The following LRRFIP1 variants were observed in gnomAD, a reference collection of about 807,000 sequenced individuals.
LRRFIP1 encodes leucine-rich repeat flightless-interacting protein 1.
In LRRFIP1, 62 loss-of-function variants were observed where a neutral mutation model predicts 104.4. That is an observed-to-expected ratio of 0.59 (90% CI 0.48 to 0.73). The LOEUF (loss-of-function observed/expected upper bound fraction) is 0.73, where lower values mean the gene tolerates loss of function less well. LRRFIP1 is among the 30% of genes least tolerant of loss of function. LRRFIP1 has a pLI of 0.00. For synonymous variants in LRRFIP1, 300 were observed against 299.0 expected (o/e 1.00, Z -0.03); for missense variants, 796 against 824.5 (o/e 0.97, Z 0.42).
At chr2:237,669,134 C>A (rs2089965318) in intron 1 of LRRFIP1, among the ~76,000 whole-genome samples, 1 of 152,168 alleles carries the variant, frequency 6.6e-6, no homozygotes, top group Non-Finnish European at 1.5e-5. Context: ...GACACTGAGG[C>A]TTTTGTGTTT....
rs1489335747 is a variant in LRRFIP1 at position 237,727,950 on chromosome 2, T to G, written c.444+15T>G. 1 of 1,583,588 alleles carries G rather than the reference T, an allele frequency of 6.3e-7. No homozygotes were observed. The highest frequency in any genetic ancestry group is 8.6e-7 in the Non-Finnish European group (1 of 1,162,890). ...GATCTGGCAGGGTTAGTATAGTAAA[T>G]TTGCATGGCTCAAAATTCAAATAGG... On this transcript the variant is annotated intron_variant, in intron 8 of 23. Coordinates refer to ENST00000308482, the MANE Select transcript of LRRFIP1 (RefSeq NM_001137550.2).
At chr2:237,728,515 G>T (rs1211375378) in intron 8 of LRRFIP1, among the ~76,000 whole-genome samples, 1 of 148,586 alleles carries the variant, frequency 6.7e-6, no homozygotes. Context: ...AGTGGCAGGG[G>T]CATTAGGGAG....
At chr2:237,681,685 T>G (rs1252653314) in intron 1 of LRRFIP1, among the ~76,000 whole-genome samples, 2 of 63,166 alleles carry the variant, frequency 3.2e-5, no homozygotes, top group East Asian at 7.4e-4. Flanking sequence ...ATTCTTTTTT[T>G]TTTTTTTTTT....
At chr2:237,757,586 C>A in intron 17 of LRRFIP1, 38 bp downstream of exon 17, 3 of 1,452,962 alleles carry the variant, frequency 2.1e-6, no homozygotes, top group South Asian at 2.4e-5. Flanking sequence ...CTCAAATGGG[C>A]AGCCTGCTTA....
chr2:237,690,851 TTGTGAGCCTGAGATGC>T (rs2092709471), intron 1 of LRRFIP1, among the ~76,000 whole-genome samples: 1 of 152,192 alleles, frequency 6.6e-6, no homozygotes, highest in Non-Finnish European at 1.5e-5. Context: ...AAAGTTGCTT[TTGTGAGCCTGAGATGC>T]TGTCAATCAA....
At chr2:237,729,292 T>A (rs1367520628) in intron 8 of LRRFIP1, among the ~76,000 whole-genome samples, 1 of 152,120 alleles carries the variant, frequency 6.6e-6, no homozygotes, top group Non-Finnish European at 1.5e-5. Context: ...ATTTGCACTC[T>A]GTGGATAAGG....
At chr2:237,743,106 G>A (rs370186823) in intron 11 of LRRFIP1, among the ~76,000 whole-genome samples, 7 of 152,112 alleles carry the variant, frequency 4.6e-5, no homozygotes, top group Admixed American at 6.5e-5. Context: ...TTGTTGTAGC[G>A]AGAGCTCATG....
chr2:237,765,818 C>T, intron 19 of LRRFIP1: 1 of 966,782 alleles, frequency 1.0e-6, no homozygotes, highest in Non-Finnish European at 1.2e-6. Context: ...ATTACTGTTA[C>T]AAGATAGAAT....
intron 2 of LRRFIP1, among the ~76,000 whole-genome samples, chr2:237,709,876 C>A (rs2093988108): frequency 6.7e-6 from 1 of 148,660 alleles, no homozygotes; most frequent in African/African-American, 2.5e-5. Context: ...TTTTTGAGAT[C>A]AAGTCTTGCT....
At chr2:237,699,519 A>G (rs1004909133) in intron 1 of LRRFIP1, among the ~76,000 whole-genome samples, 3 of 151,812 alleles carry the variant, frequency 2.0e-5, no homozygotes, top group Non-Finnish European at 4.4e-5. Context: ...TGCCCGGCTA[A>G]TTTTGTATTT....
intron 10 of LRRFIP1, among the ~76,000 whole-genome samples, chr2:237,737,879 C>T (rs1157539833): frequency 2.6e-5 from 4 of 152,186 alleles, no homozygotes; most frequent in East Asian, 3.8e-4. Context: ...GTATAGTAAA[C>T]ATTTATCAAA....
intron 1 of LRRFIP1, among the ~76,000 whole-genome samples, chr2:237,650,816 T>G (rs1426553276): frequency 1.3e-5 from 2 of 152,178 alleles, no homozygotes; most frequent in African/African-American, 4.8e-5. Context: ...AGATCAAAGA[T>G]GGTCCCGGGG....
chr2:237,745,595 C>T (rs986975403), intron 11 of LRRFIP1, among the ~76,000 whole-genome samples: 2 of 152,054 alleles, frequency 1.3e-5, no homozygotes, highest in Admixed American at 6.6e-5. Flanking sequence ...TAAAGCCCTG[C>T]CCCCCCAAAA....
chr2:237,631,407 T>A (rs2082322028), intron 1 of LRRFIP1, among the ~76,000 whole-genome samples: 1 of 152,206 alleles, frequency 6.6e-6, no homozygotes, highest in African/African-American at 2.4e-5. Context: ...GTGTCCTGCT[T>A]CCATGTGATG....
At chr2:237,697,473 T>A (rs1478567446) in intron 1 of LRRFIP1, among the ~76,000 whole-genome samples, 1 of 152,202 alleles carries the variant, frequency 6.6e-6, no homozygotes, top group Non-Finnish European at 1.5e-5. Context: ...GCCTTTTTAT[T>A]TTTCTGGGTA....
intron 20 of LRRFIP1, chr2:237,770,422 CT>C (rs1229322258): frequency 2.4e-5 from 4 of 168,150 alleles, no homozygotes; most frequent in African/African-American, 9.6e-5. Flanking sequence ...ATCAGCACCC[CT>C]CTCTCACAGG....
At chr2:237,778,315 A>C (rs144906113) in intron 23 of LRRFIP1, among the ~76,000 whole-genome samples, 6 of 152,340 alleles carry the variant, frequency 3.9e-5, no homozygotes, top group Non-Finnish European at 8.8e-5. Context: ...TTTGGGTCGA[A>C]AGCAGAGCCA....
intron 1 of LRRFIP1, among the ~76,000 whole-genome samples, chr2:237,676,813 T>C (rs1204476477): frequency 2.6e-5 from 4 of 152,124 alleles, no homozygotes; most frequent in Non-Finnish European, 5.9e-5. Flanking sequence ...CAGGAGATGG[T>C]TTTAAAACAG....
At chr2:237,726,750 G>A (rs1182970256) in intron 7 of LRRFIP1, among the ~76,000 whole-genome samples, 1 of 152,112 alleles carries the variant, frequency 6.6e-6, no homozygotes, top group Non-Finnish European at 1.5e-5. Context: ...TGTCCCGAGA[G>A]CTGGTTTTGT....
Sources: allele counts gnomAD v4.1 joint callset (sites outside exome capture counted in the v4.1 genomes callset), GRCh38; gene constraint gnomAD v4.1.1; transcripts MANE v1.5; gene names NCBI Gene and HGNC (gene_info 2026-07-23, HGNC 2026-07-21).